The following ROPN1L variants were observed in gnomAD, a reference collection of about 807,000 sequenced individuals.
ROPN1L encodes the protein rhophilin associated tail protein 1 like, also known as ropporin-1-like protein.
In ROPN1L, 23 loss-of-function variants were observed where a neutral mutation model predicts 22.7. The ratio of observed to expected loss-of-function variants is 1.01; its 90% CI spans 0.73 to 1.43. The LOEUF (loss-of-function observed/expected upper bound fraction) is 1.43. Among genes scored for constraint, ROPN1L ranks in the 40% most tolerant of loss-of-function variants. The probability of loss-of-function intolerance (pLI) is 0.00; values close to 1 mark genes in which losing one functional copy is unlikely to be tolerated. For missense variants in ROPN1L, 271 were observed against 291.5 expected (o/e 0.93, Z 0.51); for synonymous variants, 116 against 117.8 (o/e 0.98, Z 0.10).
chr5:10,449,673 G>A (rs935606148), intron 2 of ROPN1L, among the ~76,000 whole-genome samples: 7 of 152,140 alleles, frequency 4.6e-5, no homozygotes, highest in African/African-American at 1.7e-4. Context: ...AGATAGTGGA[G>A]TATCGTATAC....
At chr5:10,457,410 C>T (rs1373893520) in intron 3 of ROPN1L, among the ~76,000 whole-genome samples, 1 of 152,214 alleles carries the variant, frequency 6.6e-6, no homozygotes, top group Non-Finnish European at 1.5e-5. Flanking sequence ...GGTCTTGTTC[C>T]CAGAGCCCGC....
At chr5:10,476,090 C>T (rs749026627), downstream of ROPN1L, among the ~76,000 whole-genome samples, 5 of 152,232 alleles carry the variant, frequency 3.3e-5, no homozygotes, top group South Asian at 2.1e-4. Flanking sequence ...CCTCACATGC[C>T]GGCAGGCGGT....
chr5:10,464,975 A>G lies in ROPN1L; in HGVS notation c.*28A>G. 1 of 1,342,112 alleles carries G rather than the reference A, an allele frequency of 7.5e-7. No individual in the cohort carries two copies. The highest frequency in any genetic ancestry group is 1.0e-6 in the Non-Finnish European group (1 of 959,310). 83.1% of individuals were successfully genotyped at this position (1,342,112 alleles called of 1,614,324 possible). On this transcript the variant is annotated 3_prime_UTR_variant, in exon 5 of 5. Transcript: ENST00000274134. Reference sequence around the variant, plus strand: ...CAGAGAAGAATACATTTTAATGTCAAAATAGTGCTCTTTAAAATTCTGGCA... The same window carrying G: ...CAGAGAAGAATACATTTTAATGTCAGAATAGTGCTCTTTAAAATTCTGGCA...
rs1372843030 is a variant in ROPN1L, at chr5:10,442,114, T to A, written c.-54T>A. On this transcript the variant is annotated 5_prime_UTR_variant, in exon 1 of 5. Transcript: ENST00000274134. ...ACCGCGTCGTAGCCGACAGCCGCCCTTCTTCCTCGCAGCGCGCCGCGATTC... is the reference window on the plus strand; with the variant it reads ...ACCGCGTCGTAGCCGACAGCCGCCCATCTTCCTCGCAGCGCGCCGCGATTC... 3.8e-6 allele frequency: 6 copies of A among 1,579,318 alleles called. No homozygotes were observed. Among genetic ancestry groups the A allele is most frequent in the Non-Finnish European group, 5.2e-6 (6 of 1,155,262 alleles).
chr5:10,475,412 C>T (rs563066949), downstream of ROPN1L, among the ~76,000 whole-genome samples: 1 of 152,316 alleles, frequency 6.6e-6, no homozygotes, highest in South Asian at 2.1e-4. Flanking sequence ...TTATATAAAA[C>T]TTTCCCTGTT....
chr5:10,482,768 A>T, the ROPN1L span, among the ~76,000 whole-genome samples: 1 of 152,240 alleles, frequency 6.6e-6, no homozygotes, highest in Non-Finnish European at 1.5e-5. Context: ...CTGTCTTTGC[A>T]GTTGCAATCA....
rs1735016190 is a variant in ROPN1L, at chr5:10,461,165, C to T, written c.418-19C>T. Reference sequence around the variant, plus strand: ...CAGGAGTAACTGTTTTTCTCCCCACCTGGCTGTGGTGCTCCCAGTCCTTGA... The same window carrying T: ...CAGGAGTAACTGTTTTTCTCCCCACTTGGCTGTGGTGCTCCCAGTCCTTGA... On this transcript the variant is annotated intron_variant, in intron 3 of 4. Coordinates refer to ENST00000274134, the MANE Select transcript of ROPN1L (RefSeq NM_031916.5). 1.9e-6 allele frequency: 3 copies of T among 1,600,712 alleles called. No individual in the cohort carries two copies. The South Asian group carries it at 3.3e-5, about 18-fold the overall frequency.
At chr5:10,467,196 G>A (rs1450723680), downstream of ROPN1L, among the ~76,000 whole-genome samples, 1 of 151,918 alleles carries the variant, frequency 6.6e-6, no homozygotes, top group African/African-American at 2.4e-5. Context: ...GACTTGGCAA[G>A]TGAGGGCTCT....
rs199968007 is a variant in ROPN1L at position 10,450,088 on chromosome 5, C to T, written c.392C>T (p.Ala131Val). 5.1e-5 allele frequency: 82 copies of T among 1,613,324 alleles called. No homozygotes were observed. The highest frequency in any genetic ancestry group is 6.9e-5 in the Non-Finnish European group (81 of 1,179,794). Residue 131 changes from alanine (A) to valine (V), a missense_variant, in exon 3 of 5, where the codon GCG (alanine) becomes GTG (valine). Coordinates refer to ENST00000274134, the MANE Select transcript of ROPN1L (RefSeq NM_031916.5). Reference protein sequence around the residue: ...ENKIKWINFLALGCSMLGGSL... With the variant: ...ENKIKWINFLVLGCSMLGGSL... ...AAAATCAAGTGGATAAACTTTTTAG[C>T]GCTTGGATGCAGCATGCTTGGTGGG...
chr5:10,460,373 C>A (rs1035714775), intron 3 of ROPN1L, among the ~76,000 whole-genome samples: 1 of 152,262 alleles, frequency 6.6e-6, no homozygotes, highest in African/African-American at 2.4e-5. Flanking sequence ...CCCTGCAGTT[C>A]CAGCGCCATG....
intron 1 of ROPN1L, among the ~76,000 whole-genome samples, chr5:10,447,462 C>T (rs934208090): frequency 1.6e-4 from 24 of 152,204 alleles, no homozygotes; most frequent in African/African-American, 5.1e-4. Context: ...AGGCCAGCAC[C>T]TGCCATTCCC....
chr5:10,471,264 A>C (rs1049970373), intron 4 of ROPN1L, among the ~76,000 whole-genome samples: 6 of 151,564 alleles, frequency 4.0e-5, no homozygotes, highest in Admixed American at 3.9e-4. Flanking sequence ...CAGCTTCCCG[A>C]GTAGCTGGTA....
intron 3 of ROPN1L, among the ~76,000 whole-genome samples, chr5:10,451,947 C>CTATCTATCTATCTATT (rs1470362559): frequency 9.2e-5 from 14 of 151,822 alleles, no homozygotes; most frequent in African/African-American, 3.2e-4. Context: ...ATCTATCTAT[C>CTATCTATCTATCTATT]TATCTGTCTA....
chr5:10,478,915 T>C, the ROPN1L span, among the ~76,000 whole-genome samples: 15 of 152,170 alleles, frequency 9.9e-5, no homozygotes, highest in Non-Finnish European at 1.8e-4. Context: ...GGAAAGAATA[T>C]ATAGGGTGTT....
At chr5:10,467,658 C>T (rs535686916), downstream of ROPN1L, among the ~76,000 whole-genome samples, 8 of 152,324 alleles carry the variant, frequency 5.3e-5, no homozygotes, top group East Asian at 1.2e-3. Flanking sequence ...GAGCTGCTAC[C>T]TGAGGAGATT....
rs138004540 is a variant in ROPN1L at position 10,457,409 on chromosome 5, C to T, written c.418-3775C>T. Reference sequence around the variant, plus strand: ...CGACGTCTGTGCCCCAGGTCTTGTTCCCAGAGCCCGCCTGGCGGCTGCTAG... The same window carrying T: ...CGACGTCTGTGCCCCAGGTCTTGTTTCCAGAGCCCGCCTGGCGGCTGCTAG... On this transcript the variant is annotated intron_variant, in intron 3 of 4. Coordinates refer to ENST00000274134, the MANE Select transcript of ROPN1L (RefSeq NM_031916.5). Among the ~76,000 whole-genome samples the T allele has an allele frequency of 6.8e-3, 1,040 of 152,350 alleles. 12 individuals are homozygous for T. The highest frequency in any genetic ancestry group is 0.023 in the African/African-American group (974 of 41,576).
At chr5:10,459,447 T>C (rs1291540071) in intron 3 of ROPN1L, among the ~76,000 whole-genome samples, 2 of 151,994 alleles carry the variant, frequency 1.3e-5, no homozygotes, top group Admixed American at 1.3e-4. Flanking sequence ...TGCTCCGTCT[T>C]TGTTTAAAAC....
chr5:10,472,320 G>A (rs1305275606), downstream of ROPN1L, among the ~76,000 whole-genome samples: 1 of 152,224 alleles, frequency 6.6e-6, no homozygotes, highest in Non-Finnish European at 1.5e-5. Flanking sequence ...ATTGGTGTCT[G>A]AGTTCTTTGG....
chr5:10,481,925 C>A, the ROPN1L span: 4 of 152,358 alleles, frequency 2.6e-5, 1 homozygote, highest in Admixed American at 2.6e-4. Context: ...TCTGAAAAGA[C>A]AATCTGGAAC....
Sources: gnomAD v4.1 joint callset for allele counts (sites outside exome capture counted in the v4.1 genomes callset) on GRCh38, gnomAD v4.1.1 for gene constraint, MANE v1.5 for transcripts, NCBI Gene and HGNC (gene_info 2026-07-23, HGNC 2026-07-21) for gene names.